CSGALNACT1: variants seen among roughly 807,000 people sequenced by gnomAD.
The protein encoded by CSGALNACT1 is chondroitin sulfate N-acetylgalactosaminyltransferase 1, also known as beta4GalNAcT-1.
Under a neutral mutation model 51.0 loss-of-function variants are expected in CSGALNACT1, and 52 were observed. That is an observed-to-expected ratio of 1.02 (90% confidence interval 0.82 to 1.29). The LOEUF is 1.29. Among genes scored for constraint, CSGALNACT1 ranks in the 50% most tolerant of loss-of-function variants. CSGALNACT1 has a pLI of 0.00. For missense variants in CSGALNACT1, 935 were observed against 679.2 expected, an observed-to-expected ratio of 1.38 and a Z score of -4.19; for synonymous variants, 341 against 254.4, an observed-to-expected ratio of 1.34 and a Z score of -3.24.
At position 19,406,212 on chromosome 8, in the gene CSGALNACT1, C is replaced by A. The variant is rs548782775; in HGVS notation, c.1310-143G>T. The A allele has an allele frequency of 2.5e-4, 245 of 961,648 alleles. No homozygotes were observed. In the African/African-American group the frequency reaches 3.2e-3, roughly 13 times the overall value. The allele number at this position is 961,648 out of a possible 1,614,324, so 59.6% of individuals were successfully genotyped here. On this transcript the variant is annotated intron_variant, in intron 9 of 9. Transcript: ENST00000454498. The stretch of plus-strand genomic sequence containing the variant: ...CCACCCCTCCAAGGTACGAGAGTGT[C>A]CACCTGGGTCAGAAGCCCCGAGAAT...
Position 19,590,589 on chromosome 8 carries a change from C to G in CSGALNACT1, c.-297+571G>C, listed in dbSNP as rs145670482. Among the ~76,000 whole-genome samples, 651 of 148,542 alleles carry G rather than the reference C, an allele frequency of 4.4e-3. 1 individual carries two copies. The highest frequency in any genetic ancestry group is 6.7e-3 in the Non-Finnish European group (451 of 67,240). On this transcript the variant is annotated intron_variant, in intron 3 of 9. Coordinates refer to ENST00000454498, the Ensembl canonical transcript of CSGALNACT1. ...CAATTTATTGTATTATTTTCTCAAACAGCTTCTAAGTCAATAGGACATAAA... is the reference window on the plus strand; with the variant it reads ...CAATTTATTGTATTATTTTCTCAAAGAGCTTCTAAGTCAATAGGACATAAA...
intron 1 of CSGALNACT1, among the ~76,000 whole-genome samples, chr8:19,632,741 G>A (rs1329744812): frequency 6.6e-6 from 1 of 152,106 alleles, no homozygotes; most frequent in Non-Finnish European, 1.5e-5. Context: ...CCTAAGCAGA[G>A]TGAGTACATT....
rs1345116626 is a variant in CSGALNACT1 at position 19,599,045 on chromosome 8, A to G, written c.-416+2726T>C. On this transcript the variant is annotated intron_variant, in intron 2 of 9. Transcript: ENST00000454498. ...GTAGAGAGAGTGTGGACACCAACAC[A>G]GCTTCAAGGAGTGACAGCTGGGGAG... 2.6e-5 allele frequency among the ~76,000 whole-genome samples: 4 copies of G among 152,106 alleles called. No homozygotes were observed. In the East Asian group the frequency reaches 5.8e-4, roughly 22 times the overall value.
intron 4 of CSGALNACT1, among the ~76,000 whole-genome samples, chr8:19,481,527 C>T (rs2071395808): frequency 1.3e-5 from 2 of 152,092 alleles, no homozygotes; most frequent in Non-Finnish European, 2.9e-5. Flanking sequence ...TCAAAGTCTA[C>T]CCAAACCTCC....
intron 1 of CSGALNACT1, among the ~76,000 whole-genome samples, chr8:19,725,188 G>A (rs2063331993): frequency 6.6e-6 from 1 of 152,184 alleles, no homozygotes; most frequent in Non-Finnish European, 1.5e-5. Flanking sequence ...TCAGGCAGGT[G>A]CGGAAGTCCA....
chr8:19,716,221 G>A (rs1043464879), intron 1 of CSGALNACT1, among the ~76,000 whole-genome samples: 3 of 151,950 alleles, frequency 2.0e-5, no homozygotes, highest in Non-Finnish European at 2.9e-5. Flanking sequence ...GGAGACACAG[G>A]GGGAAAGTCA....
At chr8:19,725,425 C>CTTTTTTTTTTTTTTT (rs749829348) in intron 1 of CSGALNACT1, among the ~76,000 whole-genome samples, 4 of 136,138 alleles carry the variant, frequency 2.9e-5, no homozygotes, top group East Asian at 2.1e-4. Context: ...TTTCTTTTTT[C>CTTTTTTTTTTTTTTT]TTTTTTTTTT....
At chr8:19,554,380 G>A (rs1340131644) in intron 3 of CSGALNACT1, among the ~76,000 whole-genome samples, 2 of 152,074 alleles carry the variant, frequency 1.3e-5, no homozygotes, top group Admixed American at 6.6e-5. Context: ...AGAGGCAGAC[G>A]GTGAGAGGAG....
intron 6 of CSGALNACT1, among the ~76,000 whole-genome samples, chr8:19,429,109 G>A (rs1317896652): frequency 1.3e-5 from 2 of 152,018 alleles, no homozygotes; most frequent in South Asian, 2.1e-4. Flanking sequence ...TCTACTTTCT[G>A]TCTTCATGGA....
At chr8:19,605,409 C>G (rs544973945), upstream of CSGALNACT1, among the ~76,000 whole-genome samples, 1 of 152,146 alleles carries the variant, frequency 6.6e-6, no homozygotes. Context: ...GCACTCCAGC[C>G]TGGGGGAGAG....
At chr8:19,585,424 C>T (rs893533064) in intron 3 of CSGALNACT1, 5 of 152,330 alleles carry the variant, frequency 3.3e-5, no homozygotes, top group Non-Finnish European at 5.9e-5. Context: ...ATTCTCTTGC[C>T]TCTGATTAAA....
intron 3 of CSGALNACT1, among the ~76,000 whole-genome samples, chr8:19,563,827 C>T (rs191251629): frequency 4.6e-5 from 7 of 152,238 alleles, no homozygotes; most frequent in African/African-American, 7.2e-5. Flanking sequence ...GCCTTCCTTG[C>T]GTAACACTCA....
upstream of CSGALNACT1, among the ~76,000 whole-genome samples, chr8:19,605,077 A>G (rs146588651): frequency 2.0e-4 from 30 of 152,292 alleles, no homozygotes; most frequent in African/African-American, 7.0e-4. Flanking sequence ...AACCATAATG[A>G]CAAAAACTCA....
At chr8:19,587,406 G>A (rs2046885662) in intron 3 of CSGALNACT1, among the ~76,000 whole-genome samples, 1 of 152,200 alleles carries the variant, frequency 6.6e-6, no homozygotes, top group African/African-American at 2.4e-5. Context: ...TTCCTAAGTT[G>A]AGAAATGTCA....
intron 3 of CSGALNACT1, among the ~76,000 whole-genome samples, chr8:19,508,119 C>T (rs973271826): frequency 6.6e-6 from 1 of 152,194 alleles, no homozygotes; most frequent in African/African-American, 2.4e-5. Flanking sequence ...GGTAGTCTAT[C>T]CTATTTACCG....
At chr8:19,708,515 T>C (rs916405070) in intron 1 of CSGALNACT1, among the ~76,000 whole-genome samples, 1 of 152,144 alleles carries the variant, frequency 6.6e-6, no homozygotes, top group Non-Finnish European at 1.5e-5. Context: ...TAAAGCAGCA[T>C]AGCTCCAACT....
chr8:19,411,985 C>T (rs775443629), intron 8 of CSGALNACT1, among the ~76,000 whole-genome samples: 3 of 152,082 alleles, frequency 2.0e-5, no homozygotes, highest in Non-Finnish European at 2.9e-5. Context: ...CACGTACCAC[C>T]ATGCCCGGCT....
intron 1 of CSGALNACT1, among the ~76,000 whole-genome samples, chr8:19,752,423 G>A (rs1477853067): frequency 1.3e-5 from 2 of 152,108 alleles, no homozygotes; most frequent in African/African-American, 4.8e-5. Context: ...GCACAGCCCT[G>A]TGTACGTATG....
At chr8:19,455,369 A>G (rs1397118608) in intron 5 of CSGALNACT1, among the ~76,000 whole-genome samples, 2 of 152,252 alleles carry the variant, frequency 1.3e-5, no homozygotes, top group African/African-American at 4.8e-5. Flanking sequence ...CACAGTTCAC[A>G]GTCTCCAGTC....
Sources: gnomAD v4.1 joint callset for allele counts (sites outside exome capture counted in the v4.1 genomes callset) on GRCh38, gnomAD v4.1.1 for gene constraint, MANE v1.5 for transcripts, NCBI Gene and HGNC (gene_info 2026-07-23, HGNC 2026-07-21) for gene names.